Variants in AP1S3 observed in about 807,000 individuals in gnomAD.
AP1S3 encodes adaptor related protein complex 1 subunit sigma 3.
A neutral mutation model predicts 20.9 loss-of-function variants in AP1S3; 10 were observed. The ratio of observed to expected loss-of-function variants is 0.48; its 90% confidence interval spans 0.29 to 0.81. The LOEUF (loss-of-function observed/expected upper bound fraction) is 0.81, where lower values mean the gene tolerates loss of function less well. Ranked by LOEUF, AP1S3 falls within the 30% of genes least tolerant of loss-of-function variation. The pLI, the probability that AP1S3 is intolerant of heterozygous loss-of-function variation, is 0.08. For missense variants in AP1S3, 154 were observed against 183.8 expected (o/e 0.84, Z 0.94); for synonymous variants, 41 against 61.5 (o/e 0.67, Z 1.56).
At chr2:223,826,162 GATTGA>G (rs1277751194) in intron 1 of AP1S3, among the ~76,000 whole-genome samples, 4 of 152,124 alleles carry the variant, frequency 2.6e-5, no homozygotes, top group African/African-American at 9.7e-5. Context: ...TAAATATGCT[GATTGA>G]ATTTCTCCTG....
intron 1 of AP1S3, among the ~76,000 whole-genome samples, chr2:223,810,935 C>T (rs1211966027): frequency 1.3e-5 from 2 of 151,628 alleles, no homozygotes; most frequent in Non-Finnish European, 2.9e-5. Context: ...AATTTTGGCT[C>T]CTTTTTTTAA....
In AP1S3 at chr2:223,775,982, T is replaced by G. The variant is rs1267101691; in HGVS notation, c.210A>C (p.Ala70=). 2 of 1,613,922 alleles carry G rather than the reference T, an allele frequency of 1.2e-6. No individual in the cohort carries two copies. The highest frequency in any genetic ancestry group is 1.3e-5 in the African/African-American group (1 of 74,916). The change falls in exon 3 of 5, where the codon GCA becomes GCC. Residue 70 remains alanine (A), a synonymous_variant. Transcript: ENST00000396654. ...AGAGCTCATTGTCCTGATTTTCTAT[T>G]GCACAGCAAAAATATAAACTAGCAT... ...KRYASLYFCC[A]IENQDNELLT... is the part of the protein sequence containing the mutation.
At chr2:223,805,863 T>G (rs1455903567) in intron 1 of AP1S3, among the ~76,000 whole-genome samples, 1 of 152,210 alleles carries the variant, frequency 6.6e-6, no homozygotes, top group Non-Finnish European at 1.5e-5. Context: ...GAGGTTAAAT[T>G]TGAATATGTT....
chr2:223,833,093 T>C (rs115159551), intron 1 of AP1S3, among the ~76,000 whole-genome samples: 1,770 of 152,278 alleles, frequency 0.012, 14 homozygotes, highest in Non-Finnish European at 0.015. Flanking sequence ...TCTACTGTTT[T>C]GTTCACAATG....
At chr2:223,806,067 T>C (rs965826602) in intron 1 of AP1S3, among the ~76,000 whole-genome samples, 1 of 151,872 alleles carries the variant, frequency 6.6e-6, no homozygotes, top group Admixed American at 6.6e-5. Context: ...CAAACTTGGG[T>C]CAAACACAAG....
intron 4 of AP1S3, 194 bp downstream of exon 4, chr2:223,765,019 T>A (rs1478904072): frequency 1.4e-6 from 1 of 690,946 alleles, no homozygotes; most frequent in African/African-American, 1.9e-5. Flanking sequence ...TACTCATCTG[T>A]AAAGTGGGAG....
rs945454195 is a variant in AP1S3 at position 223,756,230 on chromosome 2, G to A, written c.*2485C>T. Reference sequence around the variant, plus strand: ...CGCATGCCTATAATCCCAGCTACTCGGGAGGCTGAGGCAGGAGAATCGTTT... The same window carrying A: ...CGCATGCCTATAATCCCAGCTACTCAGGAGGCTGAGGCAGGAGAATCGTTT... On this transcript the variant is annotated 3_prime_UTR_variant, in exon 5 of 5. Coordinates refer to ENST00000396654, the MANE Select transcript of AP1S3 (RefSeq NM_001039569.2). Among the ~76,000 whole-genome samples the A allele has an allele frequency of 6.6e-5, 10 of 152,158 alleles. No individual in the cohort carries two copies. The East Asian group carries it at 9.7e-4, about 15-fold the overall frequency.
At position 223,758,762 on chromosome 2, in the gene AP1S3, C is replaced by T. The variant is rs2106073026; in HGVS notation, c.430-12G>A. 1.2e-6 allele frequency: 2 copies of T among 1,605,706 alleles called. No individual in the cohort carries two copies. The highest frequency in any genetic ancestry group is 1.1e-5 in the South Asian group (1 of 88,876). On this transcript the variant is annotated splice_polypyrimidine_tract_variant and intron_variant, in intron 4 of 4. Coordinates refer to ENST00000396654, the MANE Select transcript of AP1S3 (RefSeq NM_001039569.2). ...TATTCTTCCATTGTCTGAAAGCGAA[C>T]AATAAATTAGAACAATTTTCCCTTT...
intron 1 of AP1S3, among the ~76,000 whole-genome samples, chr2:223,811,756 T>C (rs1691735609): frequency 6.6e-6 from 1 of 152,150 alleles, no homozygotes; most frequent in South Asian, 2.1e-4. Flanking sequence ...ACACACACTG[T>C]AGAAAACAGA....
chr2:223,814,915 C>A (rs1691811579), intron 1 of AP1S3, among the ~76,000 whole-genome samples: 1 of 152,042 alleles, frequency 6.6e-6, no homozygotes, highest in African/African-American at 2.4e-5. Flanking sequence ...TAGCTGGGAC[C>A]ACAGGTACAC....
intron 1 of AP1S3, among the ~76,000 whole-genome samples, chr2:223,790,737 A>G (rs1691197721): frequency 6.6e-6 from 1 of 152,200 alleles, no homozygotes; most frequent in Non-Finnish European, 1.5e-5. Context: ...TAGCATATCC[A>G]TCACCTCACA....
chr2:223,794,568 TGGTA>T (rs1691291149), intron 1 of AP1S3, among the ~76,000 whole-genome samples: 1 of 152,170 alleles, frequency 6.6e-6, no homozygotes, highest in African/African-American at 2.4e-5. Flanking sequence ...AACAGTTCTC[TGGTA>T]AGAAGTATCT....
At chr2:223,775,014 T>TCAGAAATAACAGGACAAGAGTCAG (rs1553582163) in intron 3 of AP1S3, among the ~76,000 whole-genome samples, 98,711 of 151,622 alleles carry the variant, frequency 0.65, 32,877 homozygotes, top group East Asian at 0.81. Flanking sequence ...AGGAGGCGCT[T>TCAGAAATAACAGGACAAGAGTCAG]CAGAAATCAA....
Position 223,826,109 on chromosome 2 carries a change from A to C in AP1S3, c.3+11339T>G, listed in dbSNP as rs116460723. On this transcript the variant is annotated intron_variant, in intron 1 of 4. Coordinates refer to ENST00000396654, the MANE Select transcript of AP1S3 (RefSeq NM_001039569.2). ...TCCCTGACAGAGTAATCAACTTTGA[A>C]TATATCCACAACACCTGTCAGTTGT... Among the ~76,000 whole-genome samples, 1,385 of 152,326 alleles carry C rather than the reference A, an allele frequency of 9.1e-3. 36 individuals carry two copies. The highest frequency in any genetic ancestry group is 0.031 in the African/African-American group (1,309 of 41,580).
At chr2:223,779,580 A>C (rs1156979593) in intron 1 of AP1S3, among the ~76,000 whole-genome samples, 1 of 152,338 alleles carries the variant, frequency 6.6e-6, no homozygotes, top group East Asian at 1.9e-4. Flanking sequence ...TTTTTAAAAA[A>C]TAAAGTGCAT....
intron 1 of AP1S3, among the ~76,000 whole-genome samples, chr2:223,787,078 G>A (rs183100639): frequency 6.6e-6 from 1 of 152,258 alleles, no homozygotes; most frequent in Admixed American, 6.5e-5. Context: ...GTTCTCATGA[G>A]AGTCAGTGAG....
intron 1 of AP1S3, among the ~76,000 whole-genome samples, chr2:223,792,888 A>C (rs942206752): frequency 1.3e-5 from 2 of 152,164 alleles, no homozygotes; most frequent in African/African-American, 4.8e-5. Flanking sequence ...ACAAACAAAC[A>C]AACAAACCCA....
At chr2:223,815,194 G>T (rs1216022154) in intron 1 of AP1S3, among the ~76,000 whole-genome samples, 1 of 152,222 alleles carries the variant, frequency 6.6e-6, no homozygotes. Flanking sequence ...ATGTCAATGT[G>T]CCATAAACCA....
At chr2:223,769,446 C>A (rs1690557300) in intron 3 of AP1S3, among the ~76,000 whole-genome samples, 1 of 152,220 alleles carries the variant, frequency 6.6e-6, no homozygotes, top group Non-Finnish European at 1.5e-5. Context: ...ATTAGTGAGA[C>A]TGTACATCTT....
Sources: gnomAD v4.1 joint callset for allele counts (sites outside exome capture counted in the v4.1 genomes callset) on GRCh38, gnomAD v4.1.1 for gene constraint, MANE v1.5 for transcripts, NCBI Gene and HGNC (gene_info 2026-07-23, HGNC 2026-07-21) for gene names.